MACROD2: variants seen among roughly 807,000 people sequenced by gnomAD.
MACROD2 encodes the protein mono-ADP ribosylhydrolase 2.
MACROD2 carries 36 observed loss-of-function variants against 70.4 expected under a neutral mutation model. The ratio of observed to expected loss-of-function variants is 0.51; its 90% confidence interval spans 0.39 to 0.68. The LOEUF (loss-of-function observed/expected upper bound fraction) is 0.68, where lower values mean the gene tolerates loss of function less well. Ranked by LOEUF, MACROD2 falls within the 30% of genes least tolerant of loss-of-function variation. The probability of loss-of-function intolerance (pLI) is 0.00; values close to 1 mark genes in which losing one functional copy is unlikely to be tolerated. For synonymous variants in MACROD2, 172 were observed against 178.8 expected (o/e 0.96, Z 0.30); for missense variants, 496 against 538.4 (o/e 0.92, Z 0.78).
At chr20:15,891,519 G>T (rs2064889604) in intron 10 of MACROD2, among the ~76,000 whole-genome samples, 1 of 152,178 alleles carries the variant, frequency 6.6e-6, no homozygotes, top group African/African-American at 2.4e-5. Flanking sequence ...GAAGCAGGGA[G>T]ATTAGAAGGC....
chr20:15,426,371 T>C (rs2046298304), intron 6 of MACROD2, among the ~76,000 whole-genome samples: 2 of 152,090 alleles, frequency 1.3e-5, no homozygotes, highest in African/African-American at 4.8e-5. Context: ...TAAGACACGG[T>C]CTCACTCCTG....
At chr20:14,272,765 A>G (rs1037569833) in intron 3 of MACROD2, among the ~76,000 whole-genome samples, 1 of 152,212 alleles carries the variant, frequency 6.6e-6, no homozygotes, top group Non-Finnish European at 1.5e-5. Flanking sequence ...ACATGCAGAG[A>G]CACACATAAG....
intron 15 of MACROD2, among the ~76,000 whole-genome samples, chr20:15,993,598 T>G (rs1398011001): frequency 6.6e-6 from 1 of 152,124 alleles, no homozygotes; most frequent in African/African-American, 2.4e-5. Context: ...AGAATGTATC[T>G]TCACCTTAAG....
intron 4 of MACROD2, among the ~76,000 whole-genome samples, chr20:14,647,548 GT>G (rs1354990028): frequency 2.6e-5 from 4 of 151,874 alleles, no homozygotes; most frequent in East Asian, 3.9e-4. Flanking sequence ...TTGTGCCCCA[GT>G]TTTTTTTCAG....
chr20:16,021,464 A>G (rs1478601457), intron 15 of MACROD2, among the ~76,000 whole-genome samples: 1 of 152,232 alleles, frequency 6.6e-6, no homozygotes, highest in Non-Finnish European at 1.5e-5. Context: ...TCGCCTGTCC[A>G]GGGTGCGCAG....
chr20:15,339,004 T>C lies in MACROD2; in HGVS notation c.541-92401T>C, dbSNP rs570482802. On this transcript the variant is annotated intron_variant, in intron 6 of 17. Transcript: ENST00000684519. The stretch of plus-strand genomic sequence containing the variant: ...TTGTTAATATCAACAACTGGCTTCA[T>C]TGGCTCCTTCAAATAAACCCGTTTA... 8.6e-5 allele frequency among the ~76,000 whole-genome samples: 13 copies of C among 151,978 alleles called. No homozygotes were observed. In the South Asian group the frequency reaches 1.7e-3, roughly 19 times the overall value.
intron 3 of MACROD2, among the ~76,000 whole-genome samples, chr20:14,398,822 C>T (rs2083607087): frequency 6.6e-6 from 1 of 152,120 alleles, no homozygotes; most frequent in South Asian, 2.1e-4. Context: ...TTCCAGTGCT[C>T]TCCATTCGTT....
rs376860928 is a variant in MACROD2 at position 15,985,508 on chromosome 20, T to A, written c.986-1219T>A. 4.5e-4 allele frequency among the ~76,000 whole-genome samples: 68 copies of A among 152,264 alleles called. No individual in the cohort carries two copies. In the East Asian group the frequency reaches 6.2e-3, roughly 14 times the overall value. On this transcript the variant is annotated intron_variant, in intron 13 of 17. Coordinates refer to ENST00000684519, the MANE Select transcript of MACROD2 (RefSeq NM_001351661.2). The stretch of plus-strand genomic sequence containing the variant: ...GTTCCAAAGACTAGTCTTACCAAGT[T>A]TCAGATGTCCGGACTCCAAGTGCCA...
chr20:14,909,938 TACAGTG>T (rs112465354), intron 5 of MACROD2, among the ~76,000 whole-genome samples: 19 of 152,316 alleles, frequency 1.2e-4, no homozygotes, highest in African/African-American at 4.1e-4. Context: ...TACAGCCTAG[TACAGTG>T]ACAGCTCCAA....
chr20:14,684,720 T>A lies in MACROD2; in HGVS notation c.302-123T>A, dbSNP rs149477041. ...TTTGAAACATTGGACACCCTGGGTT[T>A]TCTTCCACGGGCTATGGTTATTTAC... On this transcript the variant is annotated intron_variant, in intron 4 of 17. Coordinates refer to ENST00000684519, the MANE Select transcript of MACROD2 (RefSeq NM_001351661.2). 1.6e-4 allele frequency: 112 copies of A among 709,794 alleles called. No individual in the cohort carries two copies. In the East Asian group the frequency reaches 3.3e-3, roughly 21 times the overall value. 44.0% of individuals were successfully genotyped at this position (709,794 alleles called of 1,614,324 possible).
intron 3 of MACROD2, among the ~76,000 whole-genome samples, chr20:14,102,204 A>G (rs1403942797): frequency 2.6e-5 from 4 of 151,596 alleles, no homozygotes; most frequent in Admixed American, 6.6e-5. Flanking sequence ...GGGTTTCACC[A>G]TGATAACCAG....
intron 3 of MACROD2, among the ~76,000 whole-genome samples, chr20:14,421,188 G>A (rs921905212): frequency 3.3e-5 from 5 of 152,138 alleles, no homozygotes; most frequent in East Asian, 1.9e-4. Flanking sequence ...TTCTTGTAGC[G>A]TCTTTGGTTT....
chr20:14,200,570 A>C (rs974869743), intron 3 of MACROD2, among the ~76,000 whole-genome samples: 1 of 152,216 alleles, frequency 6.6e-6, no homozygotes, highest in African/African-American at 2.4e-5. Flanking sequence ...CCTCCTCTTT[A>C]AGAGTATTTC....
At chr20:15,024,177 T>A (rs2075211956) in intron 5 of MACROD2, among the ~76,000 whole-genome samples, 1 of 152,196 alleles carries the variant, frequency 6.6e-6, no homozygotes, top group African/African-American at 2.4e-5. Flanking sequence ...TCTGTAGAAC[T>A]AAGTTTAGTA....
At chr20:15,230,840 A>G (rs920837920) in intron 6 of MACROD2, among the ~76,000 whole-genome samples, 1 of 152,108 alleles carries the variant, frequency 6.6e-6, no homozygotes, top group African/African-American at 2.4e-5. Context: ...AGAAAAACAC[A>G]CTGTAAATAT....
intron 3 of MACROD2, among the ~76,000 whole-genome samples, chr20:14,392,338 C>T (rs1381996725): frequency 6.6e-6 from 1 of 152,044 alleles, no homozygotes; most frequent in African/African-American, 2.4e-5. Flanking sequence ...ATATTACATA[C>T]ATAATATCAC....
chr20:15,137,516 A>G (rs924437450), intron 5 of MACROD2, among the ~76,000 whole-genome samples: 1 of 137,608 alleles, frequency 7.3e-6, no homozygotes, highest in African/African-American at 2.8e-5. Flanking sequence ...CAATGAGAAC[A>G]CATGGACACA....
intron 3 of MACROD2, among the ~76,000 whole-genome samples, chr20:14,466,421 A>C (rs2084349708): frequency 6.6e-6 from 1 of 151,882 alleles, no homozygotes; most frequent in East Asian, 1.9e-4. Flanking sequence ...TGGTTATTCT[A>C]GTTATCCATT....
chr20:14,027,812 A>G (rs1268633795), intron 2 of MACROD2, among the ~76,000 whole-genome samples: 1 of 152,156 alleles, frequency 6.6e-6, no homozygotes, highest in Non-Finnish European at 1.5e-5. Flanking sequence ...CACCTGCCAG[A>G]TGCCAGCCGG....
Sources: gnomAD v4.1 joint callset for allele counts (sites outside exome capture counted in the v4.1 genomes callset) on GRCh38, gnomAD v4.1.1 for gene constraint, MANE v1.5 for transcripts, NCBI Gene and HGNC (gene_info 2026-07-23, HGNC 2026-07-21) for gene names.